The following OSGEPL1 variants were observed in gnomAD, a reference collection of about 807,000 sequenced individuals.
OSGEPL1 encodes tRNA N6-adenosine threonylcarbamoyltransferase, mitochondrial.
Under a neutral mutation model 37.2 loss-of-function variants are expected in OSGEPL1, and 26 were observed. That is an observed-to-expected ratio of 0.70 (90% CI 0.51 to 0.97). The LOEUF is 0.97. Ranked by LOEUF, OSGEPL1 falls within the 50% of genes least tolerant of loss-of-function variation. The pLI, the probability that OSGEPL1 is intolerant of heterozygous loss-of-function variation, is 0.00. For missense variants in OSGEPL1, 404 were observed against 487.0 expected, an observed-to-expected ratio of 0.83 and a Z score of 1.60; for synonymous variants, 140 against 159.9, an observed-to-expected ratio of 0.88 and a Z score of 0.94.
intron 8 of OSGEPL1, among the ~76,000 whole-genome samples, chr2:189,748,867 A>AT (rs1461786162): frequency 6.6e-6 from 1 of 152,174 alleles, no homozygotes; most frequent in East Asian, 1.9e-4. Context: ...TCAATGCCAG[A>AT]TATTTCCTGA....
At chr2:189,759,383 C>T (rs569490274) in intron 2 of OSGEPL1, among the ~76,000 whole-genome samples, 31 of 152,096 alleles carry the variant, frequency 2.0e-4, no homozygotes, top group African/African-American at 6.3e-4. Context: ...CAAGTAGCTG[C>T]GACTACAGGC....
At chr2:189,749,922 G>A (rs2044863564) in intron 8 of OSGEPL1, among the ~76,000 whole-genome samples, 1 of 152,004 alleles carries the variant, frequency 6.6e-6, no homozygotes, top group Non-Finnish European at 1.5e-5. Context: ...AGGAGTTCAA[G>A]ACCACCCTGG....
In OSGEPL1 at chr2:189,762,740, C is replaced by A. The variant is rs532357600; in HGVS notation, c.-76G>T. Reference sequence around the variant, plus strand: ...GTCTCCTTTCCCTACTAAAGACTGTCGACTGCCCTTATCGCTGCAGGAGAA... The same window carrying A: ...GTCTCCTTTCCCTACTAAAGACTGTAGACTGCCCTTATCGCTGCAGGAGAA... On this transcript the variant is annotated 5_prime_UTR_variant, in exon 1 of 9. Coordinates refer to ENST00000264151, the MANE Select transcript of OSGEPL1 (RefSeq NM_022353.3). 69 of 985,500 alleles carry A rather than the reference C, an allele frequency of 7.0e-5. No homozygotes were observed. The African/African-American group carries it at 1.0e-3, about 14-fold the overall frequency. 61.0% of individuals were successfully genotyped at this position (985,500 alleles called of 1,614,324 possible).
chr2:189,747,483 A>C (rs969194283), intron 8 of OSGEPL1, among the ~76,000 whole-genome samples: 1 of 152,208 alleles, frequency 6.6e-6, no homozygotes, highest in Admixed American at 6.5e-5. Flanking sequence ...CATCAAGTAC[A>C]TGAGTATGGC....
At chr2:189,754,727 A>G (rs1427276448) in intron 3 of OSGEPL1, 1 of 211,008 alleles carries the variant, frequency 4.7e-6, no homozygotes, top group Non-Finnish European at 8.5e-6. Context: ...ATATGGCAGT[A>G]GCCTCTGTAG....
intron 2 of OSGEPL1, among the ~76,000 whole-genome samples, chr2:189,759,910 C>T (rs1043252894): frequency 6.6e-6 from 1 of 152,100 alleles, no homozygotes; most frequent in Non-Finnish European, 1.5e-5. Context: ...CTGCGGCCTT[C>T]TGCAGTGTTT....
intron 3 of OSGEPL1, chr2:189,754,809 C>T (rs1683477143): frequency 3.9e-6 from 1 of 257,174 alleles, no homozygotes; most frequent in South Asian, 5.8e-5. Flanking sequence ...TAATTCTGTG[C>T]ATTGCATCTT....
chr2:189,748,723 C>A (rs1471398063), intron 8 of OSGEPL1, among the ~76,000 whole-genome samples: 2 of 152,130 alleles, frequency 1.3e-5, no homozygotes, highest in Non-Finnish European at 2.9e-5. Flanking sequence ...GAATTTATAA[C>A]AATGGAAATA....
In OSGEPL1 at chr2:189,755,349, T is replaced by A. The variant is rs1157294470; in HGVS notation, c.433A>T (p.Ile145Phe). ...AGTGCATGAGCCTCCATATGATGAATGGGAATGAATGGCTTTTTTAACTGT... is the reference window on the plus strand; with the variant it reads ...AGTGCATGAGCCTCCATATGATGAAAGGGAATGAATGGCTTTTTTAACTGT... ...VGQLKKPFIPIHHMEAHALTI... is the reference protein window; with the variant it reads ...VGQLKKPFIPFHHMEAHALTI... Residue 145 changes from isoleucine to phenylalanine, a missense_variant, in exon 3 of 9, where the codon ATT becomes TTT. Coordinates refer to ENST00000264151, the MANE Select transcript of OSGEPL1 (RefSeq NM_022353.3). 2.5e-6 allele frequency: 4 copies of A among 1,613,412 alleles called. No individual in the cohort carries two copies. The African/African-American group carries it at 5.3e-5, about 22-fold the overall frequency.
chr2:189,749,232 C>T (rs899008613), intron 8 of OSGEPL1, among the ~76,000 whole-genome samples: 2 of 111,020 alleles, frequency 1.8e-5, no homozygotes, highest in Admixed American at 1.4e-4. Context: ...GACAACAGAG[C>T]GAGACTCTGT....
intron 2 of OSGEPL1, among the ~76,000 whole-genome samples, chr2:189,759,903 C>T (rs547777264): frequency 5.9e-4 from 90 of 152,076 alleles, no homozygotes; most frequent in Admixed American, 3.7e-3. Flanking sequence ...GAGGACTCTG[C>T]GGCCTTCTGC....
At position 189,762,776 on chromosome 2, in the gene OSGEPL1, T is replaced by G; in HGVS notation, c.-112A>C. ...ATCGCTGCAGGAGAAAGCCCGAACC[T>G]GGCGCCCGGAAGTGATGTCATCGGA... is the stretch of plus-strand genomic sequence containing the variant. On this transcript the variant is annotated 5_prime_UTR_variant, in exon 1 of 9. Coordinates refer to ENST00000264151, the MANE Select transcript of OSGEPL1 (RefSeq NM_022353.3). The G allele has an allele frequency of 1.0e-6, 1 of 985,470 alleles. No homozygotes were observed. The highest frequency in any genetic ancestry group is 1.2e-6 in the Non-Finnish European group (1 of 830,000). The allele number at this position is 985,470 out of a possible 1,614,324, so 61.0% of individuals were successfully genotyped here.
chr2:189,760,223 C>T (rs1015672391), intron 2 of OSGEPL1, among the ~76,000 whole-genome samples: 1 of 152,194 alleles, frequency 6.6e-6, no homozygotes, highest in Non-Finnish European at 1.5e-5. Flanking sequence ...CTTTTCTATT[C>T]GACAAAACCG....
chr2:189,761,282 T>G, intron 2 of OSGEPL1, 138 bp downstream of exon 2: 2 of 841,758 alleles, frequency 2.4e-6, no homozygotes, highest in Non-Finnish European at 3.5e-6. Flanking sequence ...TGTTTGAGGT[T>G]TTCTATAGCA....
intron 2 of OSGEPL1, among the ~76,000 whole-genome samples, chr2:189,756,381 T>C (rs1233862850): frequency 6.6e-6 from 1 of 152,146 alleles, no homozygotes; most frequent in Non-Finnish European, 1.5e-5. Flanking sequence ...AGCAATAAAA[T>C]AGAGTCTGCA....
At chr2:189,750,679 G>A (rs376160284) in intron 7 of OSGEPL1, 23 bp from the exon 8 acceptor site, 24 of 1,538,090 alleles carry the variant, frequency 1.6e-5, no homozygotes, top group Admixed American at 1.3e-4. Flanking sequence ...CAGACAAATC[G>A]TATTATTTAT....
chr2:189,750,499 T>C, intron 8 of OSGEPL1, 51 bp downstream of exon 8: 2 of 720,956 alleles, frequency 2.8e-6, no homozygotes, highest in Non-Finnish European at 2.3e-6. Context: ...ATATATCTTC[T>C]ACAATTTGAT....
chr2:189,754,584 TG>T (rs2106004672), intron 3 of OSGEPL1: 1 of 465,720 alleles, frequency 2.1e-6, no homozygotes, highest in East Asian at 3.6e-5. Context: ...GCTCTTCTAT[TG>T]GTTGGAAAAT....
intron 2 of OSGEPL1, among the ~76,000 whole-genome samples, chr2:189,760,608 T>C (rs555951211): frequency 1.3e-5 from 2 of 152,014 alleles, no homozygotes; most frequent in Non-Finnish European, 2.9e-5. Context: ...CTGGCCAACA[T>C]GGTGAAACCC....
Sources: gnomAD v4.1 joint callset for allele counts (sites outside exome capture counted in the v4.1 genomes callset) on GRCh38, gnomAD v4.1.1 for gene constraint, MANE v1.5 for transcripts, NCBI Gene and HGNC (gene_info 2026-07-23, HGNC 2026-07-21) for gene names.